HECW2: variants seen among roughly 807,000 people sequenced by gnomAD.
HECW2 encodes the protein HECT, C2 and WW domain containing E3 ubiquitin protein ligase 2, also known as E3 ubiquitin-protein ligase HECW2.
A neutral mutation model predicts 175.2 loss-of-function variants in HECW2; 61 were observed. That is an observed-to-expected ratio of 0.35 (90% CI 0.28 to 0.43). HECW2 has a LOEUF of 0.43. HECW2 is among the 20% of genes least tolerant of loss of function. HECW2 has a pLI of 1.00. For synonymous variants in HECW2, 671 were observed against 731.0 expected (o/e 0.92, Z 1.32); for missense variants, 1,524 against 2,000.5 (o/e 0.76, Z 4.54).
At chr2:196,299,893 C>T (rs1240442292) in intron 13 of HECW2, among the ~76,000 whole-genome samples, 1 of 151,558 alleles carries the variant, frequency 6.6e-6, no homozygotes, top group African/African-American at 2.4e-5. Flanking sequence ...GGCGCCACTG[C>T]ACTCCAGCCT....
intron 1 of HECW2, among the ~76,000 whole-genome samples, chr2:196,522,102 G>C (rs1331624969): frequency 5.9e-5 from 9 of 152,190 alleles, no homozygotes; most frequent in Non-Finnish European, 2.9e-5. Flanking sequence ...CCCACCAACA[G>C]TGTAAAAGTG....
chr2:196,588,927 C>G (rs1559191173), intron 1 of HECW2, among the ~76,000 whole-genome samples: 1 of 152,106 alleles, frequency 6.6e-6, no homozygotes, highest in Non-Finnish European at 1.5e-5. Context: ...ATAGGCCGGT[C>G]ACGGTGGCTC....
At chr2:196,294,673 C>T (rs113386433) in intron 13 of HECW2, among the ~76,000 whole-genome samples, 1 of 152,182 alleles carries the variant, frequency 6.6e-6, no homozygotes, top group Non-Finnish European at 1.5e-5. Context: ...AGTGTGAAGA[C>T]AGTCAACATT....
At chr2:196,301,165 AT>A in intron 13 of HECW2, among the ~76,000 whole-genome samples, 1 of 151,826 alleles carries the variant, frequency 6.6e-6, no homozygotes, top group East Asian at 1.9e-4. Flanking sequence ...GCTGAGAATA[AT>A]AGCTTCCAAC....
chr2:196,293,967 T>A (rs1690706408), intron 13 of HECW2, among the ~76,000 whole-genome samples: 1 of 152,202 alleles, frequency 6.6e-6, no homozygotes, highest in Non-Finnish European at 1.5e-5. Context: ...CATAGAGGCA[T>A]ATAAGCTTGG....
chr2:196,448,558 C>T (rs1696254202), intron 1 of HECW2, among the ~76,000 whole-genome samples: 1 of 152,190 alleles, frequency 6.6e-6, no homozygotes, highest in African/African-American at 2.4e-5. Context: ...AAAATCAGTG[C>T]CATAAACAGG....
intron 1 of HECW2, among the ~76,000 whole-genome samples, chr2:196,474,967 G>A (rs75419256): frequency 0.034 from 5,242 of 152,052 alleles, 120 homozygotes; most frequent in Middle Eastern, 0.071. Flanking sequence ...CAACTCTCTG[G>A]GCCCAGCGAG....
intron 2 of HECW2, among the ~76,000 whole-genome samples, chr2:196,404,819 C>CTTTTTTTTTTTTTTTTTTT (rs71012909): frequency 2.5e-5 from 2 of 80,374 alleles, no homozygotes; most frequent in Non-Finnish European, 4.4e-5. Flanking sequence ...TTTTTCTTCT[C>CTTTTTTTTTTTTTTTTTTT]TTTTTTTTTT....
At chr2:196,201,441 ATGTGTGTGGTGTGTG>A in intron 28 of HECW2, 53 bp from the exon 29 acceptor site, 2 of 1,277,876 alleles carry the variant, frequency 1.6e-6, no homozygotes, top group Non-Finnish European at 2.3e-6. Context: ...TGAAATGAAA[ATGTGTGTGGTGTGTG>A]TGTGTGTGTG....
intron 2 of HECW2, among the ~76,000 whole-genome samples, chr2:196,345,288 G>A (rs1335712534): frequency 6.6e-6 from 1 of 152,172 alleles, no homozygotes; most frequent in Admixed American, 6.5e-5. Flanking sequence ...GGCAGACCCT[G>A]CTTGCTGCAT....
At chr2:196,334,764 T>C (rs2105804510) in intron 3 of HECW2, among the ~76,000 whole-genome samples, 1 of 152,196 alleles carries the variant, frequency 6.6e-6, no homozygotes, top group East Asian at 1.9e-4. Context: ...AAAATAGAAA[T>C]AGTGTAGCGA....
chr2:196,567,166 T>G lies in HECW2; in HGVS notation c.-36+26342A>C, dbSNP rs983058916. Among the ~76,000 whole-genome samples, 4 of 152,304 alleles carry G rather than the reference T, an allele frequency of 2.6e-5. No homozygotes were observed. The South Asian group carries it at 8.3e-4, about 32-fold the overall frequency. Reference sequence around the variant, plus strand: ...GGGGTACAAATGTGGATGAGGCATCTCTGACCGCACAGATGACAAGGGATG... The same window carrying G: ...GGGGTACAAATGTGGATGAGGCATCGCTGACCGCACAGATGACAAGGGATG... On this transcript the variant is annotated intron_variant, in intron 1 of 28. Transcript: ENST00000644978.
At chr2:196,315,139 C>A (rs1034943778) in intron 10 of HECW2, among the ~76,000 whole-genome samples, 1 of 119,450 alleles carries the variant, frequency 8.4e-6, no homozygotes, top group Non-Finnish European at 1.7e-5. Context: ...TCCTACAGCA[C>A]GAGTGTATGA....
At chr2:196,403,144 A>G (rs1377415762) in intron 2 of HECW2, among the ~76,000 whole-genome samples, 1 of 152,142 alleles carries the variant, frequency 6.6e-6, no homozygotes, top group East Asian at 1.9e-4. Context: ...CTTTCCACTG[A>G]TGACCAATTT....
intron 2 of HECW2, among the ~76,000 whole-genome samples, chr2:196,394,475 T>C (rs766866416): frequency 2.0e-5 from 3 of 152,214 alleles, no homozygotes; most frequent in Non-Finnish European, 2.9e-5. Flanking sequence ...TCCATCTTTT[T>C]GCCTGAAATT....
intron 1 of HECW2, among the ~76,000 whole-genome samples, chr2:196,517,207 C>T (rs1688182164): frequency 6.6e-6 from 1 of 152,146 alleles, no homozygotes. Flanking sequence ...CTCATTAAAT[C>T]CTCTAAGGTA....
intron 23 of HECW2, 134 bp downstream of exon 23, chr2:196,225,638 A>C: frequency 1.7e-6 from 1 of 573,940 alleles, no homozygotes; most frequent in Non-Finnish European, 3.2e-6. Flanking sequence ...AGAAATCTAA[A>C]CCACTATTAG....
chr2:196,548,853 CAT>C (rs1335356270), intron 1 of HECW2, among the ~76,000 whole-genome samples: 1 of 152,326 alleles, frequency 6.6e-6, no homozygotes, highest in Non-Finnish European at 1.5e-5. Context: ...TGCCTCCTCA[CAT>C]AGTCTTCCCT....
At chr2:196,241,550 T>A (rs1688455617) in intron 20 of HECW2, among the ~76,000 whole-genome samples, 1 of 151,732 alleles carries the variant, frequency 6.6e-6, no homozygotes, top group Middle Eastern at 3.2e-3. Flanking sequence ...GAAAGAAGGG[T>A]AAGTAGGGAA....
Sources: allele counts gnomAD v4.1 joint callset (sites outside exome capture counted in the v4.1 genomes callset), GRCh38; gene constraint gnomAD v4.1.1; transcripts MANE v1.5; gene names NCBI Gene and HGNC (gene_info 2026-07-23, HGNC 2026-07-21).